NRCAM: variants seen among roughly 807,000 people sequenced by gnomAD.
NRCAM encodes NgCAM-related cell adhesion molecule.
In NRCAM, 83 loss-of-function variants were observed where a neutral mutation model predicts 156.5. That is an observed-to-expected ratio of 0.53 (90% confidence interval 0.44 to 0.64). The LOEUF (loss-of-function observed/expected upper bound fraction) is 0.64. Among genes scored for constraint, NRCAM ranks in the 30% least tolerant of loss-of-function variants. NRCAM has a pLI of 0.00. For synonymous variants in NRCAM, 538 were observed against 563.9 expected (o/e 0.95, Z 0.65); for missense variants, 1,417 against 1,597.3 (o/e 0.89, Z 1.92).
chr7:108,410,250 T>G (rs1793763384), intron 1 of NRCAM, among the ~76,000 whole-genome samples: 1 of 152,250 alleles, frequency 6.6e-6, no homozygotes, highest in Non-Finnish European at 1.5e-5. Context: ...TCCTTATAAT[T>G]CTAGTCACTA....
At chr7:108,195,451 C>CTCTAT (rs67313886) in intron 15 of NRCAM, among the ~76,000 whole-genome samples, 1 of 151,382 alleles carries the variant, frequency 6.6e-6, no homozygotes, top group Non-Finnish European at 1.5e-5. Context: ...TGGTGAAACC[C>CTCTAT]TAAAAATACA....
chr7:108,175,494 G>C, intron 27 of NRCAM, 137 bp from the exon 28 acceptor site: 3 of 711,802 alleles, frequency 4.2e-6, no homozygotes, highest in Non-Finnish European at 6.7e-6. Context: ...TCAGGTATAG[G>C]GGACAAAGAT....
At chr7:108,158,685 G>A (rs1476591791) in intron 32 of NRCAM, among the ~76,000 whole-genome samples, 1 of 151,828 alleles carries the variant, frequency 6.6e-6, no homozygotes, top group African/African-American at 2.4e-5. Flanking sequence ...AAAAAACAAG[G>A]TACAAAAGGT....
At chr7:108,266,200 T>A (rs1457183426) in intron 3 of NRCAM, among the ~76,000 whole-genome samples, 5 of 152,236 alleles carry the variant, frequency 3.3e-5, no homozygotes, top group Non-Finnish European at 5.9e-5. Flanking sequence ...AGCAGTGAGA[T>A]AACAGATAAC....
intron 32 of NRCAM, among the ~76,000 whole-genome samples, chr7:108,155,266 C>T (rs1299742878): frequency 6.6e-6 from 1 of 151,596 alleles, no homozygotes; most frequent in African/African-American, 2.4e-5. Context: ...TGGTGTGTAT[C>T]AGACATTAAT....
rs546629521 is a variant in NRCAM, at chr7:108,350,549, C to T, written c.-173-37818G>A. Reference sequence around the variant, plus strand: ...TTGAGACACATTCTAAACCACCTCCCGAAGCTTGCAGTAGGATTGGTTACC... The same window carrying T: ...TTGAGACACATTCTAAACCACCTCCTGAAGCTTGCAGTAGGATTGGTTACC... On this transcript the variant is annotated intron_variant, in intron 2 of 32. Coordinates refer to ENST00000379028, the MANE Select transcript of NRCAM (RefSeq NM_001037132.4). 1.8e-4 allele frequency among the ~76,000 whole-genome samples: 28 copies of T among 152,270 alleles called. No individual in the cohort carries two copies. The East Asian group carries it at 4.2e-3, about 23-fold the overall frequency.
chr7:108,415,650 G>A (rs1372150104), intron 1 of NRCAM, among the ~76,000 whole-genome samples: 1 of 152,214 alleles, frequency 6.6e-6, no homozygotes. Flanking sequence ...GGAGGCCAAG[G>A]TGGGTGGATC....
At chr7:108,158,914 A>G (rs780764255) in intron 32 of NRCAM, among the ~76,000 whole-genome samples, 6 of 152,198 alleles carry the variant, frequency 3.9e-5, no homozygotes, top group Non-Finnish European at 8.8e-5. Flanking sequence ...ATGTATTATC[A>G]AAGTTCTGTG....
chr7:108,151,088 TTC>T (rs1280050991), intron 32 of NRCAM, among the ~76,000 whole-genome samples: 1 of 152,180 alleles, frequency 6.6e-6, no homozygotes. Flanking sequence ...TTTTGCTTAT[TTC>T]TCTGTTGAAC....
At chr7:108,155,547 C>T (rs1219554918) in intron 32 of NRCAM, among the ~76,000 whole-genome samples, 2 of 152,104 alleles carry the variant, frequency 1.3e-5, no homozygotes, top group East Asian at 3.9e-4. Flanking sequence ...ATGCTGCCCA[C>T]CTGGCTTTAC....
intron 3 of NRCAM, among the ~76,000 whole-genome samples, chr7:108,308,432 T>G (rs1274246154): frequency 6.6e-6 from 1 of 152,208 alleles, no homozygotes; most frequent in African/African-American, 2.4e-5. Context: ...CATTAGCCCT[T>G]TGGTGTATAA....
intron 2 of NRCAM, among the ~76,000 whole-genome samples, chr7:108,342,011 C>G (rs1010962499): frequency 1.3e-5 from 2 of 152,164 alleles, no homozygotes; most frequent in Non-Finnish European, 2.9e-5. Context: ...TCCTGACTCT[C>G]GATTCTTTTT....
At chr7:108,256,393 G>A (rs1234163995) in intron 3 of NRCAM, among the ~76,000 whole-genome samples, 4 of 149,084 alleles carry the variant, frequency 2.7e-5, no homozygotes, top group Admixed American at 1.3e-4. Context: ...GGCGGTGCAA[G>A]ATGTGCTTTG....
At chr7:108,310,242 C>T (rs991055829) in intron 3 of NRCAM, among the ~76,000 whole-genome samples, 6 of 152,158 alleles carry the variant, frequency 3.9e-5, no homozygotes, top group Admixed American at 6.5e-5. Flanking sequence ...CAAACTTACA[C>T]GAATGTGGCC....
At chr7:108,190,890 A>G (rs879650730) in intron 19 of NRCAM, among the ~76,000 whole-genome samples, 1 of 91,976 alleles carries the variant, frequency 1.1e-5, no homozygotes, top group Non-Finnish European at 3.2e-5. Flanking sequence ...ATGAAAGCCT[A>G]ATTTGTAGAA....
intron 2 of NRCAM, among the ~76,000 whole-genome samples, chr7:108,378,206 T>C (rs1424550577): frequency 6.6e-6 from 1 of 152,140 alleles, no homozygotes; most frequent in Non-Finnish European, 1.5e-5. Context: ...AAGTGTGCTA[T>C]TAAAAGATTA....
At chr7:108,183,991 T>C (rs1210675251) in intron 22 of NRCAM, among the ~76,000 whole-genome samples, 3 of 152,136 alleles carry the variant, frequency 2.0e-5, no homozygotes, top group Admixed American at 6.5e-5. Context: ...GTTAAACAAC[T>C]GGCCTAAGAT....
chr7:108,224,613 T>C (rs934268786), intron 10 of NRCAM, among the ~76,000 whole-genome samples: 52 of 152,244 alleles, frequency 3.4e-4, no homozygotes, highest in African/African-American at 1.1e-3. Context: ...TAAGGTTTTA[T>C]AGCCCTTGAA....
chr7:108,381,597 T>A (rs1000820262), intron 2 of NRCAM, among the ~76,000 whole-genome samples: 3 of 151,490 alleles, frequency 2.0e-5, no homozygotes, highest in Non-Finnish European at 4.4e-5. Context: ...TTCACTCTTG[T>A]TGCCCAGGCT....
Sources: gnomAD v4.1 joint callset for allele counts (sites outside exome capture counted in the v4.1 genomes callset) on GRCh38, gnomAD v4.1.1 for gene constraint, MANE v1.5 for transcripts, NCBI Gene and HGNC (gene_info 2026-07-23, HGNC 2026-07-21) for gene names.